The following PTPN14 variants were observed in gnomAD, a reference collection of about 807,000 sequenced individuals.
PTPN14 encodes the protein tyrosine-protein phosphatase non-receptor type 14.
PTPN14 carries 53 observed loss-of-function variants against 126.8 expected under a neutral mutation model. The observed-to-expected ratio is 0.42, with a 90% confidence interval of 0.34 to 0.53. PTPN14 has a LOEUF of 0.53. Among genes scored for constraint, PTPN14 ranks in the 20% least tolerant of loss-of-function variants. The pLI, the probability that PTPN14 is intolerant of heterozygous loss-of-function variation, is 0.08. For synonymous variants in PTPN14, 630 were observed against 599.3 expected, an observed-to-expected ratio of 1.05 and a Z score of -0.75; for missense variants, 1,257 against 1,552.9, an observed-to-expected ratio of 0.81 and a Z score of 3.20.
intron 3 of PTPN14, among the ~76,000 whole-genome samples, chr1:214,450,133 A>AAAAT (rs57585964): frequency 0.036 from 5,125 of 140,502 alleles, 198 homozygotes; most frequent in East Asian, 0.11. Context: ...ACTCTATCTC[A>AAAAT]AAATAAATAA....
At chr1:214,473,940 A>G (rs1660814509) in intron 1 of PTPN14, among the ~76,000 whole-genome samples, 1 of 152,208 alleles carries the variant, frequency 6.6e-6, no homozygotes, top group Admixed American at 6.5e-5. Context: ...TTTAAAACAC[A>G]AGCCCCTGAC....
At position 214,364,649 on chromosome 1, in the gene PTPN14, G is replaced by A. The variant is rs755979033; in HGVS notation, c.3298C>T (p.Arg1100Cys). 8 of 1,613,702 alleles carry A rather than the reference G, an allele frequency of 5.0e-6. No individual in the cohort carries two copies. In the South Asian group the frequency reaches 5.5e-5, roughly 11 times the overall value. Residue 1100 changes from arginine (R) to cysteine (C), a missense_variant, in exon 18 of 19, where the codon CGT (arginine) becomes TGT (cysteine). Arg to Cys is a radical substitution (Grantham distance 180, BLOSUM62 -3). Around this residue, in one of 3 missense-constraint regions of PTPN14, gnomAD observed 171 missense variants for 229.8 expected, o/e 0.74. Coordinates refer to ENST00000366956, the MANE Select transcript of PTPN14 (RefSeq NM_005401.5). The surrounding 1 kb of genome is among the most constrained non-coding windows in gnomAD (Gnocchi z 4.1). ...TCCAGCATGCTGTTGGTATGGCGAC[G>A]GACCGACTGGATCTCCTCCAAGTAG... ...LSYLEEIQSV[R>C]RHTNSMLEGT... is the part of the protein sequence containing the mutation.
chr1:214,480,940 A>G (rs933588171), intron 1 of PTPN14, among the ~76,000 whole-genome samples: 3 of 152,190 alleles, frequency 2.0e-5, no homozygotes, highest in Non-Finnish European at 2.9e-5. Flanking sequence ...TGGGAAGAGA[A>G]GAGCCCACAC....
At chr1:214,492,733 C>T (rs1322922003) in intron 1 of PTPN14, among the ~76,000 whole-genome samples, 1 of 151,972 alleles carries the variant, frequency 6.6e-6, no homozygotes, top group African/African-American at 2.4e-5. Context: ...CATGGCAAAA[C>T]CCCGTCTCGA....
intron 1 of PTPN14, among the ~76,000 whole-genome samples, chr1:214,517,305 GA>G (rs1301975020): frequency 6.6e-6 from 1 of 152,042 alleles, no homozygotes; most frequent in African/African-American, 2.4e-5. Flanking sequence ...CTTCCTTTCT[GA>G]AATAATTACT....
intron 1 of PTPN14, among the ~76,000 whole-genome samples, chr1:214,520,007 C>T (rs1655206238): frequency 7.1e-6 from 1 of 141,154 alleles, no homozygotes; most frequent in South Asian, 2.3e-4. Context: ...ATGATCATGC[C>T]ACTGCACTCC....
intron 3 of PTPN14, among the ~76,000 whole-genome samples, chr1:214,449,735 C>T (rs1021137134): frequency 7.5e-4 from 114 of 152,136 alleles, no homozygotes; most frequent in Admixed American, 4.7e-3. Flanking sequence ...AAATGTCTAT[C>T]ACATGAAAAA....
At chr1:214,515,712 C>A (rs77826871) in intron 1 of PTPN14, among the ~76,000 whole-genome samples, 12,188 of 151,848 alleles carry the variant, frequency 0.08, 676 homozygotes, top group East Asian at 0.28. Context: ...AGTGCTATTG[C>A]AACAGGAATT....
At chr1:214,433,947 CACACAAAA>C (rs1364813426) in intron 3 of PTPN14, among the ~76,000 whole-genome samples, 460 of 23,258 alleles carry the variant, frequency 0.02, 1 homozygote, top group African/African-American at 0.057. Flanking sequence ...CACACACACA[CACACAAAA>C]AAAAAAAAAA....
At chr1:214,475,580 C>G (rs138138822) in intron 1 of PTPN14, among the ~76,000 whole-genome samples, 55 of 152,318 alleles carry the variant, frequency 3.6e-4, no homozygotes, top group African/African-American at 1.3e-3. Context: ...AATTCCACTT[C>G]TTTTTGCTGT....
In PTPN14 at chr1:214,511,530, G is replaced by A. The variant is rs564477598; in HGVS notation, c.-155+39653C>T. ...AGAAAAGAAAATAACAAGTGTTGGC[G>A]AGGATGTGGGAAAAATTGGAACTCT... On this transcript the variant is annotated intron_variant, in intron 1 of 18. Coordinates refer to ENST00000366956, the MANE Select transcript of PTPN14 (RefSeq NM_005401.5). Among the ~76,000 whole-genome samples, 10 of 152,042 alleles carry A rather than the reference G, an allele frequency of 6.6e-5. No homozygotes were observed. The South Asian group carries it at 1.0e-3, about 16-fold the overall frequency.
At chr1:214,526,645 C>G (rs145755896) in intron 1 of PTPN14, among the ~76,000 whole-genome samples, 87 of 152,212 alleles carry the variant, frequency 5.7e-4, no homozygotes, top group Middle Eastern at 3.4e-3. Flanking sequence ...ACTGACTGGC[C>G]CAAACACAGC....
intron 3 of PTPN14, among the ~76,000 whole-genome samples, chr1:214,433,922 C>CCACACA (rs1186419218): frequency 1.6e-5 from 2 of 123,782 alleles, no homozygotes; most frequent in African/African-American, 3.5e-5. Flanking sequence ...GACATTATTT[C>CCACACA]CACACACACA....
chr1:214,549,420 A>C (rs930022146), intron 1 of PTPN14, among the ~76,000 whole-genome samples: 1 of 152,240 alleles, frequency 6.6e-6, no homozygotes, highest in African/African-American at 2.4e-5. Flanking sequence ...GTAATGACTT[A>C]AAAGCAGAGA....
chr1:214,397,796 G>C, intron 8 of PTPN14, 117 bp downstream of exon 8: 1 of 801,148 alleles, frequency 1.2e-6, no homozygotes, highest in Non-Finnish European at 2.0e-6. Context: ...TATGAGCTGA[G>C]AGAAGTCAAA....
In PTPN14 at chr1:214,500,248, G is replaced by A. The variant is rs1238273582; in HGVS notation, c.-154-35291C>T. On this transcript the variant is annotated intron_variant, in intron 1 of 18. Transcript: ENST00000366956. ...ATTTGTGGCAATTGTCAAAGACACC[G>A]GAAAAATAATCTTAGCAGCCTGGGA... Among the ~76,000 whole-genome samples, 6 of 151,996 alleles carry A rather than the reference G, an allele frequency of 3.9e-5. No individual in the cohort carries two copies. In the South Asian group the frequency reaches 8.3e-4, roughly 21 times the overall value.
intron 1 of PTPN14, among the ~76,000 whole-genome samples, chr1:214,485,803 G>T (rs2102411361): frequency 6.6e-6 from 1 of 151,898 alleles, no homozygotes; most frequent in East Asian, 1.9e-4. Flanking sequence ...TCAGCTCACT[G>T]CAAGCTCCGC....
At position 214,520,117 on chromosome 1, in the gene PTPN14, AGTCT is replaced by A. The variant is rs1361793172; in HGVS notation, c.-155+31062_-155+31065del. On this transcript the variant is annotated intron_variant, in intron 1 of 18. Coordinates refer to ENST00000366956, the MANE Select transcript of PTPN14 (RefSeq NM_005401.5). ...TATGCAGAACAGTCAGGTATGAATC[AGTCT>A]GTCTGCCCATCATTTGGTAGAGATG... Among the ~76,000 whole-genome samples the A allele has an allele frequency of 5.4e-5, 8 of 148,798 alleles. No individual in the cohort carries two copies. The East Asian group carries it at 1.6e-3, about 30-fold the overall frequency.
At chr1:214,370,415 T>C (rs1182067813) in intron 16 of PTPN14, among the ~76,000 whole-genome samples, 3 of 152,146 alleles carry the variant, frequency 2.0e-5, no homozygotes, top group Admixed American at 6.5e-5. Flanking sequence ...TTTCATCCCA[T>C]GGGCACGGGA....
Sources: allele counts gnomAD v4.1 joint callset (sites outside exome capture counted in the v4.1 genomes callset), GRCh38; gene constraint gnomAD v4.1.1; regional missense constraint gnomAD v4.1.1; non-coding constraint Gnocchi (gnomAD v3.1); transcripts MANE v1.5; gene names NCBI Gene and HGNC (gene_info 2026-07-23, HGNC 2026-07-21).